Variants in TANC1 observed in about 807,000 individuals in gnomAD.
TANC1 encodes tetratricopeptide repeat, ankyrin repeat and coiled-coil containing 1.
A neutral mutation model predicts 149.7 loss-of-function variants in TANC1; 77 were observed. The observed-to-expected ratio is 0.51, with a 90% CI of 0.43 to 0.62. The LOEUF is 0.62. Ranked by LOEUF, TANC1 falls within the 20% of genes least tolerant of loss-of-function variation. The pLI, the probability that TANC1 is intolerant of heterozygous loss-of-function variation, is 0.00. For synonymous variants in TANC1, 854 were observed against 925.0 expected (o/e 0.92, Z 1.39); for missense variants, 1,985 against 2,321.8 (o/e 0.85, Z 2.98).
rs369421782 is a variant in TANC1 at position 159,229,718 on chromosome 2, C to T, written c.4292C>T (p.Pro1431Leu). The T allele has an allele frequency of 1.7e-5, 27 of 1,613,842 alleles. No individual in the cohort carries two copies. Among genetic ancestry groups the T allele is most frequent in the Middle Eastern group, 1.6e-4 (1 of 6,084 alleles). ...AGTCAACAGCAAAAACAGCAGGGCC[C>T]GCTACCAGCTCCACTCAACGACTCC... is the stretch of plus-strand genomic sequence containing the variant. Reference protein sequence around the residue: ...QRSQQQKQQGPLPAPLNDSEN... With the variant: ...QRSQQQKQQGLLPAPLNDSEN... Residue 1431 changes from proline to leucine, a missense_variant, in exon 27 of 27, where the codon CCG (proline) becomes CTG (leucine). Pro to Leu is a moderately conservative substitution (Grantham distance 98). Coordinates refer to ENST00000263635, the MANE Select transcript of TANC1 (RefSeq NM_033394.3).
intron 1 of TANC1, among the ~76,000 whole-genome samples, chr2:158,984,121 C>A (rs2034740930): frequency 6.6e-6 from 1 of 152,224 alleles, no homozygotes; most frequent in Non-Finnish European, 1.5e-5. Context: ...CTACAGACTT[C>A]AAGTCAAGTG....
chr2:159,127,386 A>G (rs1251554278), intron 4 of TANC1, among the ~76,000 whole-genome samples: 1 of 152,236 alleles, frequency 6.6e-6, no homozygotes, highest in Admixed American at 6.5e-5. Context: ...TTGAACTATC[A>G]TGGAAGACAG....
In TANC1 at chr2:159,136,197, C is replaced by T. The variant is rs1417512494; in HGVS notation, c.263C>T (p.Pro88Leu). 16 of 1,596,798 alleles carry T rather than the reference C, an allele frequency of 1.0e-5. No homozygotes were observed. Among genetic ancestry groups the T allele is most frequent in the Non-Finnish European group, 1.4e-5 (16 of 1,164,308 alleles). Reference protein sequence around the residue: ...QSRVNKKSPGPVRKPKYVESP... With the variant: ...QSRVNKKSPGLVRKPKYVESP... Reference sequence around the variant, plus strand: ...ACTCAGATCTTTCCCACTACAGGTCCCGTCAGGAAGCCCAAGTATGTGGAA... The same window carrying T: ...ACTCAGATCTTTCCCACTACAGGTCTCGTCAGGAAGCCCAAGTATGTGGAA... Residue 88 changes from proline (P) to leucine (L), a missense_variant, in exon 5 of 27, where the codon CCC (proline) becomes CTC (leucine). This residue lies in a region of TANC1 where 557 missense variants were observed against 612.9 expected (regional missense o/e 0.91). Transcript: ENST00000263635.
intron 1 of TANC1, among the ~76,000 whole-genome samples, chr2:158,987,799 G>C (rs2035180929): frequency 6.6e-6 from 1 of 152,126 alleles, no homozygotes; most frequent in Admixed American, 6.5e-5. Context: ...TTTGGGAATG[G>C]AGTGGATAAA....
At chr2:159,010,911 GT>G (rs2037691994) in intron 2 of TANC1, among the ~76,000 whole-genome samples, 1 of 151,882 alleles carries the variant, frequency 6.6e-6, no homozygotes, top group Non-Finnish European at 1.5e-5. Context: ...TTTGGTTTTT[GT>G]TTTGAGACAG....
chr2:159,025,699 A>G (rs890238492), intron 2 of TANC1, among the ~76,000 whole-genome samples: 10 of 152,082 alleles, frequency 6.6e-5, no homozygotes, highest in Non-Finnish European at 1.2e-4. Flanking sequence ...CTATAATACC[A>G]TATTTTTATT....
At chr2:159,105,583 G>A (rs1258328995) in intron 4 of TANC1, among the ~76,000 whole-genome samples, 1 of 152,122 alleles carries the variant, frequency 6.6e-6, no homozygotes, top group African/African-American at 2.4e-5. Context: ...AAAGTATTGA[G>A]TCCCTCTATA....
chr2:159,225,669 A>G lies in TANC1; in HGVS notation c.3812-19A>G, dbSNP rs1288312289. 1 of 1,608,270 alleles carries G rather than the reference A, an allele frequency of 6.2e-7. No homozygotes were observed. Among genetic ancestry groups the G allele is most frequent in the Non-Finnish European group, 8.5e-7 (1 of 1,174,798 alleles). Reference sequence around the variant, plus strand: ...CGCAGGGCCTCTGAAGTGCCTCTGAATGCGTGTTTGTTTTGCAGGAAATGC... The same window carrying G: ...CGCAGGGCCTCTGAAGTGCCTCTGAGTGCGTGTTTGTTTTGCAGGAAATGC... On this transcript the variant is annotated intron_variant, in intron 23 of 26. Coordinates refer to ENST00000263635, the MANE Select transcript of TANC1 (RefSeq NM_033394.3).
intron 7 of TANC1, among the ~76,000 whole-genome samples, chr2:159,156,982 C>T (rs1417243177): frequency 1.3e-5 from 2 of 152,322 alleles, no homozygotes; most frequent in East Asian, 1.9e-4. Flanking sequence ...TGCTGCATGT[C>T]ATAGCAGAGC....
chr2:159,181,315 T>C (rs1216113316), intron 14 of TANC1, among the ~76,000 whole-genome samples: 2 of 151,626 alleles, frequency 1.3e-5, no homozygotes, highest in South Asian at 2.1e-4. Flanking sequence ...TTTTTTTTTT[T>C]CAGACGGAGT....
intron 25 of TANC1, chr2:159,228,310 G>C (rs1445498884): frequency 3.4e-6 from 1 of 291,074 alleles, no homozygotes; most frequent in African/African-American, 2.2e-5. Flanking sequence ...TATTGTGGTG[G>C]GCCTGCCTTC....
intron 2 of TANC1, among the ~76,000 whole-genome samples, chr2:159,018,088 T>C (rs2038457092): frequency 1.3e-5 from 2 of 152,150 alleles, no homozygotes; most frequent in East Asian, 1.9e-4. Context: ...GCCAGTTACA[T>C]AGTGCTTGGC....
chr2:159,120,497 A>G lies in TANC1; in HGVS notation c.260-15697A>G, dbSNP rs186045519. Among the ~76,000 whole-genome samples, 57 of 152,262 alleles carry G rather than the reference A, an allele frequency of 3.7e-4. 2 individuals carry two copies. The highest frequency in any genetic ancestry group is 2.4e-3 in the Admixed American group (36 of 15,284). On this transcript the variant is annotated intron_variant, in intron 4 of 26. Coordinates refer to ENST00000263635, the MANE Select transcript of TANC1 (RefSeq NM_033394.3). ...AGCATTTTATGTACAAATGATATGAATTTTGCATTGCTATTCAGTGCATTA... is the reference window on the plus strand; with the variant it reads ...AGCATTTTATGTACAAATGATATGAGTTTTGCATTGCTATTCAGTGCATTA...
At chr2:159,049,911 A>G (rs2041346019) in intron 2 of TANC1, among the ~76,000 whole-genome samples, 1 of 152,184 alleles carries the variant, frequency 6.6e-6, no homozygotes, top group African/African-American at 2.4e-5. Context: ...TAACTGTAGC[A>G]CAGATAAAGA....
intron 1 of TANC1, among the ~76,000 whole-genome samples, chr2:158,985,950 C>T (rs2034956221): frequency 6.6e-6 from 1 of 152,146 alleles, no homozygotes; most frequent in Non-Finnish European, 1.5e-5. Context: ...TGACTGGGCC[C>T]CCTTTGATTG....
chr2:159,216,619 C>T (rs116519892), intron 19 of TANC1, among the ~76,000 whole-genome samples: 6,139 of 152,198 alleles, frequency 0.04, 390 homozygotes, highest in African/African-American at 0.14. Context: ...CCCAGGCTGA[C>T]GGGAGGGTGT....
Position 159,102,919 on chromosome 2 carries a change from C to T in TANC1, c.259+5085C>T, listed in dbSNP as rs1364040419. Among the ~76,000 whole-genome samples the T allele has an allele frequency of 2.3e-5, 2 of 86,874 alleles. 1 individual carries two copies. The highest frequency in any genetic ancestry group is 6.4e-5 in the African/African-American group (2 of 31,494). The allele number at this position is 86,874 out of a possible 152,430, so 57.0% of individuals were successfully genotyped here. On this transcript the variant is annotated intron_variant, in intron 4 of 26. Transcript: ENST00000263635. The stretch of plus-strand genomic sequence containing the variant: ...ATTTTTAGTAGAGACAGGGTTTCAC[C>T]GTGTTAGCCAGGATGGTCTCGATCT...
intron 14 of TANC1, among the ~76,000 whole-genome samples, chr2:159,179,762 T>A (rs534741681): frequency 6.6e-6 from 1 of 152,324 alleles, no homozygotes; most frequent in East Asian, 1.9e-4. Context: ...GCAGTTCTCC[T>A]TGCTGCCTGG....
chr2:159,138,470 GTTAA>G (rs55923731), intron 5 of TANC1, among the ~76,000 whole-genome samples: 35,102 of 151,906 alleles, frequency 0.23, 5,208 homozygotes, highest in Non-Finnish European at 0.34. Flanking sequence ...TTTCAATGGG[GTTAA>G]TTAAGTCTGC....
Sources: gnomAD v4.1 joint callset for allele counts (sites outside exome capture counted in the v4.1 genomes callset) on GRCh38, gnomAD v4.1.1 for gene constraint, gnomAD v4.1.1 regional missense constraint, MANE v1.5 for transcripts, NCBI Gene and HGNC (gene_info 2026-07-23, HGNC 2026-07-21) for gene names.